The following SPATA17 variants were observed in gnomAD, a reference collection of about 807,000 sequenced individuals.
SPATA17 encodes spermatogenesis-associated protein 17.
SPATA17 carries 53 observed loss-of-function variants against 62.2 expected under a neutral mutation model. The observed-to-expected ratio is 0.85, with a 90% CI of 0.68 to 1.07. SPATA17 has a LOEUF of 1.07. SPATA17 is among the 50% of genes least tolerant of loss of function. The pLI, the probability that SPATA17 is intolerant of heterozygous loss-of-function variation, is 0.00. For synonymous variants in SPATA17, 146 were observed against 146.8 expected, an observed-to-expected ratio of 0.99 and a Z score of 0.04; for missense variants, 466 against 425.5, an observed-to-expected ratio of 1.10 and a Z score of -0.84.
chr1:217,715,140 A>G (rs542148828), intron 5 of SPATA17, among the ~76,000 whole-genome samples: 1 of 152,340 alleles, frequency 6.6e-6, no homozygotes, highest in Admixed American at 6.5e-5. Flanking sequence ...ATGATAATAT[A>G]TGTAAATCAA....
intron 8 of SPATA17, among the ~76,000 whole-genome samples, chr1:217,786,800 T>TCTTCTTCTTCTTCTTCTC: frequency 6.6e-6 from 1 of 150,814 alleles, no homozygotes; most frequent in Admixed American, 6.6e-5. Flanking sequence ...TTCTTCTTCT[T>TCTTCTTCTTCTTCTTCTC]CTTCTTCTTC....
chr1:217,728,624 T>C (rs1376962358), intron 5 of SPATA17, among the ~76,000 whole-genome samples: 1 of 152,282 alleles, frequency 6.6e-6, no homozygotes, highest in Non-Finnish European at 1.5e-5. Context: ...CTAATTATTT[T>C]AAAGAGTGGC....
At chr1:217,678,571 T>C (rs2102903062) in intron 4 of SPATA17, among the ~76,000 whole-genome samples, 1 of 152,322 alleles carries the variant, frequency 6.6e-6, no homozygotes, top group Admixed American at 6.5e-5. Context: ...TTAAGGTTAC[T>C]ATAGATTTTC....
At chr1:217,690,405 G>T (rs1415087766) in intron 5 of SPATA17, among the ~76,000 whole-genome samples, 1 of 146,250 alleles carries the variant, frequency 6.8e-6, no homozygotes, top group African/African-American at 2.5e-5. Context: ...TTTGATGACT[G>T]TATTTTTCAT....
In SPATA17 at chr1:217,719,616, C is replaced by T. The variant is rs143849725; in HGVS notation, c.396-22359C>T. 1.1e-4 allele frequency among the ~76,000 whole-genome samples: 16 copies of T among 152,164 alleles called. No individual in the cohort carries two copies. In the East Asian group the frequency reaches 2.3e-3, roughly 22 times the overall value. ...ACTAGTCAGGAGACAAAATCCACAC[C>T]AGTAATTTGAACTGAGAAAATATAA... On this transcript the variant is annotated intron_variant, in intron 5 of 10. Transcript: ENST00000366933.
At chr1:217,672,643 A>T (rs1410965357) in intron 4 of SPATA17, among the ~76,000 whole-genome samples, 1 of 152,174 alleles carries the variant, frequency 6.6e-6, no homozygotes, top group Non-Finnish European at 1.5e-5. Context: ...TGAAGAACAA[A>T]TTATATGTAT....
chr1:217,780,786 A>G (rs1673711576), intron 7 of SPATA17, among the ~76,000 whole-genome samples: 1 of 152,192 alleles, frequency 6.6e-6, no homozygotes, highest in Non-Finnish European at 1.5e-5. Context: ...GGTACATGGT[A>G]AGGGTGTCAC....
chr1:217,676,963 T>C (rs1057291590), intron 4 of SPATA17, among the ~76,000 whole-genome samples: 3 of 152,306 alleles, frequency 2.0e-5, no homozygotes, highest in Admixed American at 6.5e-5. Flanking sequence ...ATCAATCACC[T>C]ATACTCGCTT....
At chr1:217,793,229 T>G (rs1295758675) in intron 8 of SPATA17, among the ~76,000 whole-genome samples, 2 of 146,352 alleles carry the variant, frequency 1.4e-5, no homozygotes, top group African/African-American at 5.0e-5. Context: ...TTGTTTTTTT[T>G]TTTTTTTTTG....
chr1:217,660,460 A>G (rs2102890422), intron 3 of SPATA17, among the ~76,000 whole-genome samples: 1 of 152,338 alleles, frequency 6.6e-6, no homozygotes, highest in African/African-American at 2.4e-5. Flanking sequence ...GATGTTTGCT[A>G]TGACCAATGT....
intron 8 of SPATA17, among the ~76,000 whole-genome samples, chr1:217,795,661 C>T (rs921828974): frequency 2.6e-5 from 4 of 151,728 alleles, no homozygotes; most frequent in East Asian, 3.9e-4. Context: ...TGAGCCACCG[C>T]CCCCAGTGAC....
intron 5 of SPATA17, among the ~76,000 whole-genome samples, chr1:217,708,421 A>C (rs1054884059): frequency 2.6e-5 from 4 of 152,188 alleles, no homozygotes; most frequent in Admixed American, 2.0e-4. Context: ...ACTACTATGA[A>C]TACCTCTATG....
chr1:217,799,313 C>A (rs1180294179), intron 8 of SPATA17, among the ~76,000 whole-genome samples: 2 of 152,090 alleles, frequency 1.3e-5, no homozygotes, highest in Non-Finnish European at 2.9e-5. Context: ...CATTCATTCC[C>A]TTGAGAAGGC....
intron 3 of SPATA17, among the ~76,000 whole-genome samples, chr1:217,656,203 G>A (rs182794442): frequency 1.3e-5 from 2 of 152,162 alleles, no homozygotes; most frequent in Admixed American, 6.5e-5. Flanking sequence ...TTTTAATCAA[G>A]CATATAGGAT....
intron 5 of SPATA17, among the ~76,000 whole-genome samples, chr1:217,719,753 A>T (rs183668779): frequency 6.6e-6 from 1 of 152,356 alleles, no homozygotes; most frequent in East Asian, 1.9e-4. Context: ...CTCTAGGCCC[A>T]TGGGAGAGAA....
chr1:217,772,847 A>C (rs1673485983), intron 6 of SPATA17, among the ~76,000 whole-genome samples: 1 of 152,206 alleles, frequency 6.6e-6, no homozygotes, highest in South Asian at 2.1e-4. Flanking sequence ...GAAACAGTGT[A>C]ATGTGATAGG....
chr1:217,852,157 A>C (rs1675681522), intron 9 of SPATA17, among the ~76,000 whole-genome samples: 1 of 152,184 alleles, frequency 6.6e-6, no homozygotes. Flanking sequence ...AGAATACCTG[A>C]CATTGACAAA....
rs549359423 is a variant in SPATA17 at position 217,685,082 on chromosome 1, C to G, written c.395+1721C>G. Among the ~76,000 whole-genome samples, 6 of 117,618 alleles carry G rather than the reference C, an allele frequency of 5.1e-5. No homozygotes were observed. In the South Asian group the frequency reaches 1.5e-3, roughly 29 times the overall value. The allele number at this position is 117,618 out of a possible 152,430, so 77.2% of individuals were successfully genotyped here. A position where few individuals can be genotyped will look rare whatever the true frequency, so the allele number is the denominator to read the frequency against. ...TAAAGACTGGCTGACTTTAGCTTGT[C>G]AGGAGGAAGAGCTAGTAGAGTTTGC... is the stretch of plus-strand genomic sequence containing the variant. On this transcript the variant is annotated intron_variant, in intron 5 of 10. Transcript: ENST00000366933.
intron 5 of SPATA17, among the ~76,000 whole-genome samples, chr1:217,709,790 A>T (rs151132922): frequency 1.3e-5 from 2 of 152,192 alleles, no homozygotes; most frequent in East Asian, 3.9e-4. Context: ...TTTGCCTAGG[A>T]TAAAAGTTAC....
Sources: allele counts gnomAD v4.1 joint callset (sites outside exome capture counted in the v4.1 genomes callset), GRCh38; gene constraint gnomAD v4.1.1; transcripts MANE v1.5; gene names NCBI Gene and HGNC (gene_info 2026-07-23, HGNC 2026-07-21).